Variants in TRIM34 observed in about 807,000 individuals in gnomAD.
The protein encoded by TRIM34 is tripartite motif containing 34, also known as E3 ubiquitin-protein ligase TRIM34.
In TRIM34, 41 loss-of-function variants were observed where a neutral mutation model predicts 38.1. That is an observed-to-expected ratio of 1.08 (90% CI 0.84 to 1.40). The LOEUF (loss-of-function observed/expected upper bound fraction) is 1.40. Among genes scored for constraint, TRIM34 ranks in the 40% most tolerant of loss-of-function variants. The pLI, the probability that TRIM34 is intolerant of heterozygous loss-of-function variation, is 0.00. For missense variants in TRIM34, 556 were observed against 571.4 expected, an observed-to-expected ratio of 0.97 and a Z score of 0.27; for synonymous variants, 200 against 202.5, an observed-to-expected ratio of 0.99 and a Z score of 0.10.
chr11:5,622,639 A>T (rs202197338), upstream of TRIM34, among the ~76,000 whole-genome samples: 1 of 19,758 alleles, frequency 5.1e-5, no homozygotes, highest in Non-Finnish European at 7.5e-5. Context: ...ACAAACAAAT[A>T]AAAAAAACCG....
rs546050278 is a variant in TRIM34 at position 5,641,091 on chromosome 11, T to G, written c.751-76T>G. On this transcript the variant is annotated intron_variant, in intron 4 of 7. Coordinates refer to ENST00000429814, the MANE Select transcript of TRIM34 (RefSeq NM_021616.6). ...CTTCTGATTTTTCCATTTTTTTTCC[T>G]ACTGTTCTTCTTTCTTTCATTAGTC... 26 of 1,502,784 alleles carry G rather than the reference T, an allele frequency of 1.7e-5. No homozygotes were observed. The African/African-American group carries it at 3.7e-4, about 21-fold the overall frequency. 93.1% of individuals were successfully genotyped at this position (1,502,784 alleles called of 1,614,324 possible).
rs1379725962 is a variant in TRIM34, at chr11:5,633,031, G to T, written c.423+277G>T. Reference sequence around the variant, plus strand: ...TTTTTTGGATTTTTAGTAGAGACGGGATTTCACCATCTTGGCCAGGCTGGT... The same window carrying T: ...TTTTTTGGATTTTTAGTAGAGACGGTATTTCACCATCTTGGCCAGGCTGGT... On this transcript the variant is annotated intron_variant, in intron 2 of 7. Coordinates refer to ENST00000429814, the MANE Select transcript of TRIM34 (RefSeq NM_021616.6). 2.1e-5 allele frequency among the ~76,000 whole-genome samples: 3 copies of T among 145,514 alleles called. No homozygotes were observed. In the East Asian group the frequency reaches 6.1e-4, roughly 29 times the overall value.
In TRIM34 at chr11:5,632,568, G is replaced by C. The variant is rs1849527150; in HGVS notation, c.237G>C (p.Glu79Asp). ...ATCAGCATCTGGCCAACATAGTGGAGAGACTCAAGGAGGTCAAGTTGAGCC... is the reference window on the plus strand; with the variant it reads ...ATCAGCATCTGGCCAACATAGTGGACAGACTCAAGGAGGTCAAGTTGAGCC... ...QANQHLANIV[E>D]RLKEVKLSPD... The change falls in exon 2 of 8, where the codon GAG (glutamate) becomes GAC (aspartate). Residue 79 changes from glutamate to aspartate, a missense_variant. By Grantham distance (45) the Glu-to-Asp change is conservative. Transcript: ENST00000429814. The C allele has an allele frequency of 3.1e-6, 5 of 1,613,870 alleles. No homozygotes were observed. In the African/African-American group the frequency reaches 5.3e-5, roughly 17 times the overall value.
intron 4 of TRIM34, among the ~76,000 whole-genome samples, chr11:5,638,219 G>GCTAAATATTC (rs1849832298): frequency 6.6e-6 from 1 of 152,180 alleles, no homozygotes; most frequent in Admixed American, 6.5e-5. Flanking sequence ...AATAATATCA[G>GCTAAATATTC]TGAAGATAAT....
rs1300006858 is a variant in TRIM34 at position 5,640,155 on chromosome 11, T to C, written c.751-1012T>C. On this transcript the variant is annotated intron_variant, in intron 4 of 7. Transcript: ENST00000429814. ...GCCCTGACTAGAACCTCCAATACCA[T>C]GTTAAATAGAAGTAGTGAGAGCAAA... 9.2e-5 allele frequency among the ~76,000 whole-genome samples: 14 copies of C among 152,206 alleles called. No individual in the cohort carries two copies. In the East Asian group the frequency reaches 2.7e-3, roughly 29 times the overall value.
upstream of TRIM34, among the ~76,000 whole-genome samples, chr11:5,622,444 C>CA (rs58936463): frequency 0.34 from 39,861 of 116,144 alleles, 6,486 homozygotes; most frequent in East Asian, 0.64. Flanking sequence ...GACTACCTCT[C>CA]AAAAAAAAAA....
At chr11:5,641,083 T>A in intron 4 of TRIM34, 84 bp from the exon 5 acceptor site, 1 of 1,491,538 alleles carries the variant, frequency 6.7e-7, no homozygotes, top group South Asian at 1.4e-5. Context: ...TTTTTCCATT[T>A]TTTTTCCTAC....
At chr11:5,623,018 G>T (rs973197347), upstream of TRIM34, among the ~76,000 whole-genome samples, 1 of 151,926 alleles carries the variant, frequency 6.6e-6, no homozygotes, top group African/African-American at 2.4e-5. Flanking sequence ...AGACAAACAG[G>T]TTGCATTAAG....
At chr11:5,627,740 T>G (rs1384701216) in intron 1 of TRIM34, among the ~76,000 whole-genome samples, 1 of 152,220 alleles carries the variant, frequency 6.6e-6, no homozygotes, top group African/African-American at 2.4e-5. Context: ...TTCTGAGCTC[T>G]CAGGGTCTCT....
intron 1 of TRIM34, 102 bp from the exon 2 acceptor site, chr11:5,632,153 T>G: frequency 2.7e-6 from 4 of 1,475,670 alleles, no homozygotes; most frequent in Non-Finnish European, 2.7e-6. Flanking sequence ...CTCATCTTCT[T>G]TGTTCTTTGA....
intron 1 of TRIM34, among the ~76,000 whole-genome samples, chr11:5,629,896 T>C (rs974358769): frequency 6.6e-6 from 1 of 152,054 alleles, no homozygotes; most frequent in Admixed American, 6.6e-5. Flanking sequence ...TTAGTAGAGA[T>C]GGGGTTTCAC....
intron 1 of TRIM34, among the ~76,000 whole-genome samples, chr11:5,631,082 G>C (rs991267676): frequency 2.6e-5 from 4 of 152,112 alleles, no homozygotes; most frequent in African/African-American, 9.7e-5. Flanking sequence ...ATTCCTCGAT[G>C]ATCTGACATT....
chr11:5,634,393 A>G (rs1435709683), intron 3 of TRIM34, among the ~76,000 whole-genome samples: 2 of 151,654 alleles, frequency 1.3e-5, no homozygotes, highest in African/African-American at 4.9e-5. Flanking sequence ...GCTTCCCTCC[A>G]AGTACCTCTA....
In TRIM34 at chr11:5,643,339, A is replaced by T; in HGVS notation, c.1097A>T (p.Tyr366Phe). 6.2e-7 allele frequency: 1 copy of T among 1,613,950 alleles called. No homozygotes were observed. The highest frequency in any genetic ancestry group is 8.5e-7 in the Non-Finnish European group (1 of 1,179,960). The change falls in exon 8 of 8, where the codon TAC (tyrosine) becomes TTC (phenylalanine). Residue 366 changes from tyrosine to phenylalanine, a missense_variant. Tyr to Phe is a conservative substitution (Grantham distance 22). Transcript: ENST00000429814. ...SKKTAWILGV[Y>F]CRTYSRHMKY... ...AAAACTGCCTGGATCCTGGGGGTATACTGTAGAACATATTCCCGCCATATG... is the reference window on the plus strand; with the variant it reads ...AAAACTGCCTGGATCCTGGGGGTATTCTGTAGAACATATTCCCGCCATATG...
Position 5,634,618 on chromosome 11 carries a change from T to G in TRIM34, c.520-13T>G, listed in dbSNP as rs372459229. ...ACAAACTTACTACAACTCTCTCTTG[T>G]CCATCCTTGCAGTATCAGGTACAAA... On this transcript the variant is annotated splice_polypyrimidine_tract_variant and intron_variant, in intron 3 of 7. Transcript: ENST00000429814. 6 of 1,606,338 alleles carry G rather than the reference T, an allele frequency of 3.7e-6. No individual in the cohort carries two copies. The African/African-American group carries it at 8.1e-5, about 22-fold the overall frequency.
At chr11:5,635,961 T>C (rs1359417021) in intron 4 of TRIM34, among the ~76,000 whole-genome samples, 1 of 152,236 alleles carries the variant, frequency 6.6e-6, no homozygotes, top group Non-Finnish European at 1.5e-5. Context: ...TAAAGCTACT[T>C]AGGAAAAACT....
In TRIM34 at chr11:5,634,810, CA is replaced by C; in HGVS notation, c.700del (p.Ile234SerfsTer19). On this transcript the variant is annotated frameshift_variant, in exon 4 of 8. Coordinates refer to ENST00000429814, the MANE Select transcript of TRIM34 (RefSeq NM_021616.6). LOFTEE classifies it high-confidence loss of function. ...AGCAGAAGCAGTTGGTGAGAGAGCT[CA>C]TCTCAGATGTGGAGTGTCGGAGTCA... The part of the protein sequence containing the change: ...VQQKQLVREL[I>X]SDVECRSQWS... 1 of 1,613,646 alleles carries C rather than the reference CA, an allele frequency of 6.2e-7. No homozygotes were observed. The highest frequency in any genetic ancestry group is 2.2e-5 in the East Asian group (1 of 44,878).
Position 5,644,361 on chromosome 11 carries a change from G to A in TRIM34, c.*652G>A, listed in dbSNP as rs1238066505. The A allele has an allele frequency of 1.3e-5, 5 of 397,500 alleles. No homozygotes were observed. Among genetic ancestry groups the A allele is most frequent in the African/African-American group, 4.1e-5 (2 of 48,576 alleles). 24.6% of individuals were successfully genotyped at this position (397,500 alleles called of 1,614,324 possible). ...AATGTAATGCATCGATTTAGTGTCT[G>A]GAACATAATAAATATTTGCTCTCAT... is the stretch of plus-strand genomic sequence containing the variant. On this transcript the variant is annotated 3_prime_UTR_variant, in exon 8 of 8. Coordinates refer to ENST00000429814, the MANE Select transcript of TRIM34 (RefSeq NM_021616.6).
Position 5,634,809 on chromosome 11 carries a change from T to C in TRIM34, c.698T>C (p.Leu233Pro). 6.2e-7 allele frequency: 1 copy of C among 1,613,668 alleles called. No homozygotes were observed. The highest frequency in any genetic ancestry group is 8.5e-7 in the Non-Finnish European group (1 of 1,179,742). ...LVQQKQLVRE[L>P]ISDVECRSQW... ...CAGCAGAAGCAGTTGGTGAGAGAGC[T>C]CATCTCAGATGTGGAGTGTCGGAGT... The change falls in exon 4 of 8, where the codon CTC (leucine) becomes CCC (proline). Residue 233 changes from leucine (L) to proline (P), a missense_variant. By Grantham distance (98) the Leu-to-Pro change is moderately conservative (BLOSUM62 -3). Transcript: ENST00000429814.
Sources: gnomAD v4.1 joint callset for allele counts (sites outside exome capture counted in the v4.1 genomes callset) on GRCh38, gnomAD v4.1.1 for gene constraint, MANE v1.5 for transcripts, NCBI Gene and HGNC (gene_info 2026-07-23, HGNC 2026-07-21) for gene names.